Variants in ULK4 observed in about 807,000 individuals in gnomAD.
The protein encoded by ULK4 is unc-51 like kinase 4.
Under a neutral mutation model 160.6 loss-of-function variants are expected in ULK4, and 133 were observed. The observed-to-expected ratio is 0.83, with a 90% CI of 0.72 to 0.96. ULK4 has a LOEUF of 0.96. Among genes scored for constraint, ULK4 ranks in the 40% least tolerant of loss-of-function variants. The pLI, the probability that ULK4 is intolerant of heterozygous loss-of-function variation, is 0.00. For missense variants in ULK4, 1,580 were observed against 1,499.5 expected (o/e 1.05, Z -0.89); for synonymous variants, 534 against 539.8 (o/e 0.99, Z 0.15).
chr3:41,667,699 A>C (rs2035394160), intron 29 of ULK4, among the ~76,000 whole-genome samples: 1 of 152,212 alleles, frequency 6.6e-6, no homozygotes, highest in African/African-American at 2.4e-5. Context: ...CTGTCCAGAC[A>C]GTATCCCTGA....
At chr3:41,809,869 A>C (rs1469342832) in intron 19 of ULK4, among the ~76,000 whole-genome samples, 1 of 152,228 alleles carries the variant, frequency 6.6e-6, no homozygotes, top group African/African-American at 2.4e-5. Context: ...CTGAGAGTAC[A>C]TCTATAAATG....
At chr3:41,918,918 T>A (rs1699072559) in intron 6 of ULK4, among the ~76,000 whole-genome samples, 1 of 152,108 alleles carries the variant, frequency 6.6e-6, no homozygotes, top group South Asian at 2.1e-4. Flanking sequence ...CACCAATAAT[T>A]CTAATCTCAA....
rs1299031845 is a variant in ULK4, at chr3:41,413,138, C to T, written c.3493-14874G>A. ...GCAGACAAGAGAAGAATGACAGCCA[C>T]GTGAAAGGGGTTTCCCCTTAAAAAA... On this transcript the variant is annotated intron_variant, in intron 34 of 36. Coordinates refer to ENST00000301831, the MANE Select transcript of ULK4 (RefSeq NM_017886.4). Among the ~76,000 whole-genome samples, 8 of 152,224 alleles carry T rather than the reference C, an allele frequency of 5.3e-5. No individual in the cohort carries two copies. In the South Asian group the frequency reaches 6.2e-4, roughly 12 times the overall value.
intron 17 of ULK4, among the ~76,000 whole-genome samples, chr3:41,876,227 A>G (rs1697297633): frequency 6.6e-6 from 1 of 152,180 alleles, no homozygotes; most frequent in African/African-American, 2.4e-5. Flanking sequence ...AGAGAGCACC[A>G]AGTTGTTTCT....
intron 17 of ULK4, among the ~76,000 whole-genome samples, chr3:41,842,916 C>T (rs980556271): frequency 5.9e-5 from 9 of 152,120 alleles, no homozygotes; most frequent in African/African-American, 1.9e-4. Flanking sequence ...AAAGGCAGTC[C>T]AATGGAGAAA....
intron 32 of ULK4, among the ~76,000 whole-genome samples, chr3:41,484,391 GCGCCT>G (rs2084433160): frequency 6.6e-6 from 1 of 151,844 alleles, no homozygotes; most frequent in Non-Finnish European, 1.5e-5. Context: ...CCTGGACTGG[GCGCCT>G]GGAGATATAC....
chr3:41,517,956 T>C (rs2085806810), intron 32 of ULK4, among the ~76,000 whole-genome samples: 1 of 152,198 alleles, frequency 6.6e-6, no homozygotes, highest in African/African-American at 2.4e-5. Context: ...CTCTAAATAT[T>C]CCATGGCTCA....
At chr3:41,672,358 C>T (rs1168189271) in intron 29 of ULK4, among the ~76,000 whole-genome samples, 1 of 152,106 alleles carries the variant, frequency 6.6e-6, no homozygotes, top group Non-Finnish European at 1.5e-5. Flanking sequence ...CAATGGAATA[C>T]TATTCAACCA....
At chr3:41,577,267 G>A (rs1033405857) in intron 31 of ULK4, among the ~76,000 whole-genome samples, 1 of 152,140 alleles carries the variant, frequency 6.6e-6, no homozygotes, top group Admixed American at 6.5e-5. Context: ...CTAAAGCAAA[G>A]CAAGAAAATA....
chr3:41,624,092 T>G (rs1391145461), intron 30 of ULK4, among the ~76,000 whole-genome samples: 1 of 152,228 alleles, frequency 6.6e-6, no homozygotes, highest in East Asian at 1.9e-4. Context: ...TCCTGGGCAA[T>G]TGAATGAAGG....
chr3:41,462,696 C>T (rs1259520020), intron 33 of ULK4, among the ~76,000 whole-genome samples: 2 of 152,138 alleles, frequency 1.3e-5, no homozygotes, highest in Non-Finnish European at 2.9e-5. Context: ...TGTACACAAA[C>T]CCTCAATCCA....
intron 30 of ULK4, among the ~76,000 whole-genome samples, chr3:41,650,248 G>A (rs1172505023): frequency 6.6e-6 from 1 of 152,174 alleles, no homozygotes; most frequent in Non-Finnish European, 1.5e-5. Context: ...CAAGAACTCA[G>A]GACCCACCAA....
At chr3:41,468,420 A>G (rs1280186707) in intron 32 of ULK4, among the ~76,000 whole-genome samples, 1 of 152,204 alleles carries the variant, frequency 6.6e-6, no homozygotes, top group Non-Finnish European at 1.5e-5. Context: ...ACGACAATGT[A>G]AAGTAATGGA....
chr3:41,338,327 A>G lies in ULK4; in HGVS notation c.3678+59752T>C, dbSNP rs73831323. Among the ~76,000 whole-genome samples, 507 of 152,294 alleles carry G rather than the reference A, an allele frequency of 3.3e-3. 3 individuals are homozygous for G. Among genetic ancestry groups the G allele is most frequent in the African/African-American group, 0.012 (488 of 41,572 alleles). Reference sequence around the variant, plus strand: ...TCTTCTGTGTAATTGAGCCCTCAACATTCTAACTGTGAAAAGGGAGAAACC... The same window carrying G: ...TCTTCTGTGTAATTGAGCCCTCAACGTTCTAACTGTGAAAAGGGAGAAACC... On this transcript the variant is annotated intron_variant, in intron 35 of 36. Coordinates refer to ENST00000301831, the MANE Select transcript of ULK4 (RefSeq NM_017886.4).
rs1188039504 is a variant in ULK4 at position 41,761,461 on chromosome 3, G to C, written c.2194-6973C>G. 3.3e-5 allele frequency among the ~76,000 whole-genome samples: 5 copies of C among 150,350 alleles called. No homozygotes were observed. The East Asian group carries it at 9.7e-4, about 29-fold the overall frequency. ...GTATAACAGCAATGATTATAGTAAT[G>C]AGTGTTATGCCTTAAACAGTAGAGC... On this transcript the variant is annotated intron_variant, in intron 21 of 36. Transcript: ENST00000301831.
At chr3:41,267,753 A>G (rs2079068618) in intron 35 of ULK4, among the ~76,000 whole-genome samples, 1 of 152,212 alleles carries the variant, frequency 6.6e-6, no homozygotes, top group South Asian at 2.1e-4. Flanking sequence ...CACCAGATCA[A>G]TGAGTCCTGC....
chr3:41,524,984 G>A (rs1339834144), intron 32 of ULK4, among the ~76,000 whole-genome samples: 1 of 151,964 alleles, frequency 6.6e-6, no homozygotes, highest in African/African-American at 2.4e-5. Context: ...CAAAGGAAGA[G>A]GAGCTAAGTC....
chr3:41,958,703 T>C (rs147337612), intron 1 of ULK4, among the ~76,000 whole-genome samples: 2,159 of 146,998 alleles, frequency 0.015, 54 homozygotes, highest in African/African-American at 0.053. Context: ...GTGACAAGAG[T>C]GAAACTGTCT....
Position 41,341,863 on chromosome 3 carries a change from T to C in ULK4, c.3678+56216A>G, listed in dbSNP as rs904471569. The stretch of plus-strand genomic sequence containing the variant: ...TCAAATGAATGGCAATAATATACTT[T>C]AGAATTTCTAATATTAAGAAATGAA... On this transcript the variant is annotated intron_variant, in intron 35 of 36. Coordinates refer to ENST00000301831, the MANE Select transcript of ULK4 (RefSeq NM_017886.4). Among the ~76,000 whole-genome samples the C allele has an allele frequency of 1.2e-4, 19 of 152,168 alleles. 1 individual carries two copies. The highest frequency in any genetic ancestry group is 4.4e-5 in the Non-Finnish European group (3 of 68,032).
Sources: gnomAD v4.1 joint callset for allele counts (sites outside exome capture counted in the v4.1 genomes callset) on GRCh38, gnomAD v4.1.1 for gene constraint, MANE v1.5 for transcripts, NCBI Gene and HGNC (gene_info 2026-07-23, HGNC 2026-07-21) for gene names.